Variants in CACNA2D2 observed in about 807,000 individuals in gnomAD.
The protein encoded by CACNA2D2 is voltage-dependent calcium channel subunit alpha-2/delta-2.
In CACNA2D2, 48 loss-of-function variants were observed where a neutral mutation model predicts 166.4. That is an observed-to-expected ratio of 0.29 (90% CI 0.23 to 0.37). The LOEUF (loss-of-function observed/expected upper bound fraction) is 0.37. Ranked by LOEUF, CACNA2D2 falls within the 10% of genes least tolerant of loss-of-function variation. CACNA2D2 has a pLI of 1.00. For missense variants in CACNA2D2, 1,122 were observed against 1,433.0 expected (o/e 0.78, Z 3.50); for synonymous variants, 561 against 573.7 (o/e 0.98, Z 0.32).
intron 3 of CACNA2D2, among the ~76,000 whole-genome samples, chr3:50,423,403 G>A (rs1707663059): frequency 6.6e-6 from 1 of 152,248 alleles, no homozygotes; most frequent in South Asian, 2.1e-4. Flanking sequence ...AAGACTTCAT[G>A]GCTGCTGTGC....
intron 1 of CACNA2D2, among the ~76,000 whole-genome samples, chr3:50,501,115 G>T (rs965117209): frequency 6.6e-6 from 1 of 152,170 alleles, no homozygotes. Context: ...TGACCCAGCA[G>T]AAGGTTCTGG....
intron 3 of CACNA2D2, among the ~76,000 whole-genome samples, chr3:50,402,000 A>G (rs1329687487): frequency 6.6e-6 from 1 of 152,250 alleles, no homozygotes; most frequent in Non-Finnish European, 1.5e-5. Context: ...GTTGTGAGCC[A>G]CTGCATCCGG....
rs757807777 is a variant in CACNA2D2 at position 50,363,341 on chromosome 3, C to G, written c.*1325G>C. On this transcript the variant is annotated 3_prime_UTR_variant, in exon 38 of 38. Coordinates refer to ENST00000424201, the MANE Select transcript of CACNA2D2 (RefSeq NM_006030.4). ...ATTAATGCATCACCCTCCCCCTCCT[C>G]CCAGTCCATCTGAGCCCCATCACTA... 25 of 398,470 alleles carry G rather than the reference C, an allele frequency of 6.3e-5. No individual in the cohort carries two copies. Among genetic ancestry groups the G allele is most frequent in the African/African-American group, 4.1e-4 (20 of 48,628 alleles). 24.7% of individuals were successfully genotyped at this position (398,470 alleles called of 1,614,324 possible). A position where few individuals can be genotyped will look rare whatever the true frequency, so the allele number is the denominator to read the frequency against.
Position 50,384,316 on chromosome 3 carries a change from C to G in CACNA2D2, c.532G>C (p.Val178Leu), listed in dbSNP as rs1199957117. ...GTGCTGGCCTTAGACCCCCTTTCCA[C>G]ATCCTCACTCTCAGGGTCGTCCTGC... ...AELDDPESEDVERGSKASTLR... is the reference protein window; with the variant it reads ...AELDDPESEDLERGSKASTLR... The change falls in exon 6 of 38, where the codon GTG becomes CTG. Residue 178 changes from valine to leucine, a missense_variant. Physicochemically the swap from Val to Leu is conservative, Grantham distance 32. Transcript: ENST00000424201. The G allele has an allele frequency of 1.2e-6, 2 of 1,613,936 alleles. No homozygotes were observed. The highest frequency in any genetic ancestry group is 2.7e-5 in the African/African-American group (2 of 74,920).
At chr3:50,461,233 G>C (rs113622000) in intron 2 of CACNA2D2, among the ~76,000 whole-genome samples, 1 of 152,192 alleles carries the variant, frequency 6.6e-6, no homozygotes, top group Non-Finnish European at 1.5e-5. Flanking sequence ...ACAATGGATC[G>C]GGAATCTGAA....
intron 2 of CACNA2D2, among the ~76,000 whole-genome samples, chr3:50,464,735 C>T (rs947279063): frequency 6.6e-6 from 1 of 152,226 alleles, no homozygotes; most frequent in Non-Finnish European, 1.5e-5. Context: ...GCTCCTCTAC[C>T]ACTTAGCAAC....
chr3:50,454,967 C>T (rs1217245294), intron 2 of CACNA2D2, among the ~76,000 whole-genome samples: 1 of 152,176 alleles, frequency 6.6e-6, no homozygotes, highest in Non-Finnish European at 1.5e-5. Flanking sequence ...CATTTCCAGG[C>T]GTCCAATCCC....
At chr3:50,486,666 G>A (rs1290578077) in intron 1 of CACNA2D2, among the ~76,000 whole-genome samples, 1 of 152,092 alleles carries the variant, frequency 6.6e-6, no homozygotes, top group Non-Finnish European at 1.5e-5. Context: ...CCTCTGCCAG[G>A]AAGCTTTCCT....
chr3:50,500,524 A>C (rs1263191578), intron 1 of CACNA2D2, among the ~76,000 whole-genome samples: 1 of 152,092 alleles, frequency 6.6e-6, no homozygotes, highest in Non-Finnish European at 1.5e-5. Flanking sequence ...GGAAAGACAC[A>C]AGGGGAGGCA....
At chr3:50,410,959 G>A (rs1706985195) in intron 3 of CACNA2D2, among the ~76,000 whole-genome samples, 1 of 152,240 alleles carries the variant, frequency 6.6e-6, no homozygotes, top group Non-Finnish European at 1.5e-5. Context: ...ATGTGCTCAG[G>A]CACACGTGCA....
In CACNA2D2 at chr3:50,366,179, G is replaced by C. The variant is rs746954450; in HGVS notation, c.2710-16C>G. The C allele has an allele frequency of 6.2e-7, 1 of 1,613,974 alleles. No individual in the cohort carries two copies. The highest frequency in any genetic ancestry group is 2.2e-5 in the East Asian group (1 of 44,884). The stretch of plus-strand genomic sequence containing the variant: ...ACCTGCCCACCTGAGGATGTCAGGA[G>C]AAAGCCATGGTCACAGGGCTGGCAG... On this transcript the variant is annotated splice_polypyrimidine_tract_variant and intron_variant, in intron 31 of 37. Coordinates refer to ENST00000424201, the MANE Select transcript of CACNA2D2 (RefSeq NM_006030.4). The surrounding 1 kb of genome is among the most constrained non-coding windows in gnomAD (Gnocchi z 5.9).
intron 2 of CACNA2D2, among the ~76,000 whole-genome samples, chr3:50,454,486 A>G (rs1169129851): frequency 6.6e-6 from 1 of 152,016 alleles, no homozygotes; most frequent in Non-Finnish European, 1.5e-5. Flanking sequence ...CCCCGAGGAG[A>G]GCGGAGCCTC....
Position 50,376,546 on chromosome 3 carries a change from G to A in CACNA2D2, c.1627-358C>T, listed in dbSNP as rs1197351276. ...CTGTGGCCCTCCTCTAGCCACTACTGCCCCTGATTTGTGCCTCCTCCTTGT... is the reference window on the plus strand; with the variant it reads ...CTGTGGCCCTCCTCTAGCCACTACTACCCCTGATTTGTGCCTCCTCCTTGT... On this transcript the variant is annotated intron_variant, in intron 17 of 37. Transcript: ENST00000424201. This position sits in a 1 kb window ranked among gnomAD's most constrained non-coding sequence, Gnocchi z 4.3. Among the ~76,000 whole-genome samples the A allele has an allele frequency of 6.6e-6, 1 of 152,150 alleles. No homozygotes were observed. The highest frequency in any genetic ancestry group is 1.5e-5 in the Non-Finnish European group (1 of 68,020).
At chr3:50,373,549 G>A (rs893168396) in intron 22 of CACNA2D2, among the ~76,000 whole-genome samples, 1 of 115,116 alleles carries the variant, frequency 8.7e-6, no homozygotes, top group Non-Finnish European at 1.8e-5. Flanking sequence ...GGGGAATGAA[G>A]GAGGGAAGAA....
chr3:50,453,681 C>A (rs1376065792), intron 2 of CACNA2D2, among the ~76,000 whole-genome samples: 1 of 152,220 alleles, frequency 6.6e-6, no homozygotes, highest in Admixed American at 6.5e-5. Flanking sequence ...TTCCTGACCA[C>A]CATCCTCACG....
chr3:50,488,359 A>G (rs1437105256), intron 1 of CACNA2D2, among the ~76,000 whole-genome samples: 1 of 152,280 alleles, frequency 6.6e-6, no homozygotes, highest in African/African-American at 2.4e-5. Context: ...TCAGTCTCTC[A>G]GGAGCTGATT....
chr3:50,440,325 G>T (rs946666100), intron 2 of CACNA2D2, among the ~76,000 whole-genome samples: 1 of 152,242 alleles, frequency 6.6e-6, no homozygotes, highest in African/African-American at 2.4e-5. Flanking sequence ...CCAGGCAGGG[G>T]GGCTGCGTGC....
At chr3:50,405,381 G>T (rs917647786) in intron 3 of CACNA2D2, among the ~76,000 whole-genome samples, 2 of 147,722 alleles carry the variant, frequency 1.4e-5, no homozygotes, top group Non-Finnish European at 3.0e-5. Flanking sequence ...GGGTGGGGGC[G>T]AGCCCAGCCC....
intron 3 of CACNA2D2, among the ~76,000 whole-genome samples, chr3:50,397,938 C>T (rs931100581): frequency 6.6e-6 from 1 of 152,216 alleles, no homozygotes; most frequent in African/African-American, 2.4e-5. Context: ...GCTCCTGTCC[C>T]CATAGAGCTG....
Sources: allele counts gnomAD v4.1 joint callset (sites outside exome capture counted in the v4.1 genomes callset), GRCh38; gene constraint gnomAD v4.1.1; non-coding constraint Gnocchi (gnomAD v3.1); transcripts MANE v1.5; gene names NCBI Gene and HGNC (gene_info 2026-07-23, HGNC 2026-07-21).